The following ACOXL variants were observed in gnomAD, a reference collection of about 807,000 sequenced individuals.
ACOXL encodes the protein acyl-CoA oxidase like.
In ACOXL, 70 loss-of-function variants were observed where a neutral mutation model predicts 71.9. That is an observed-to-expected ratio of 0.97 (90% CI 0.80 to 1.19). The LOEUF is 1.19. Among genes scored for constraint, ACOXL ranks in the 50% most tolerant of loss-of-function variants. The probability of loss-of-function intolerance (pLI) is 0.00; values close to 1 mark genes in which losing one functional copy is unlikely to be tolerated. For synonymous variants in ACOXL, 253 were observed against 281.6 expected (o/e 0.90, Z 1.02); for missense variants, 703 against 736.3 (o/e 0.95, Z 0.52).
intron 12 of ACOXL, among the ~76,000 whole-genome samples, chr2:110,950,129 C>T (rs960521467): frequency 4.6e-5 from 7 of 151,874 alleles, no homozygotes; most frequent in East Asian, 1.9e-4. Flanking sequence ...TACACATGTG[C>T]CATGCTGGGA....
At chr2:111,024,556 C>T (rs926656235) in intron 14 of ACOXL, among the ~76,000 whole-genome samples, 11 of 152,082 alleles carry the variant, frequency 7.2e-5, no homozygotes, top group African/African-American at 2.4e-5. Flanking sequence ...TCCAGAACTG[C>T]GAGAGAATAC....
chr2:111,046,566 A>G (rs1403559556), intron 15 of ACOXL, among the ~76,000 whole-genome samples: 1 of 152,192 alleles, frequency 6.6e-6, no homozygotes, highest in African/African-American at 2.4e-5. Context: ...CAGGAAGGAA[A>G]AGTGCCGAGC....
In ACOXL at chr2:111,043,799, G is replaced by T. The variant is rs967894; in HGVS notation, c.1370-5419G>T. Among the ~76,000 whole-genome samples, 1,180 of 152,344 alleles carry T rather than the reference G, an allele frequency of 7.7e-3. 17 individuals are homozygous for T. The highest frequency in any genetic ancestry group is 0.027 in the African/African-American group (1,111 of 41,584). On this transcript the variant is annotated intron_variant, in intron 15 of 17. Transcript: ENST00000439055. ...CAGAGGAGCTGTCCATGGAGGGGTA[G>T]GTGTCAGCCCCCATATTTCTGCCAC...
intron 10 of ACOXL, among the ~76,000 whole-genome samples, chr2:110,888,691 A>G (rs950149127): frequency 6.6e-6 from 1 of 152,150 alleles, no homozygotes; most frequent in Non-Finnish European, 1.5e-5. Flanking sequence ...AAATCCTTCT[A>G]CTTTCCCATT....
chr2:111,005,964 G>A (rs972348465), intron 14 of ACOXL, among the ~76,000 whole-genome samples: 3 of 152,162 alleles, frequency 2.0e-5, no homozygotes, highest in Admixed American at 1.3e-4. Context: ...TGTTTGTTAC[G>A]TTTTTAAAAA....
chr2:111,029,426 G>A (rs2065162610), intron 14 of ACOXL, among the ~76,000 whole-genome samples: 3 of 152,218 alleles, frequency 2.0e-5, no homozygotes, highest in Admixed American at 6.5e-5. Context: ...CTTGGAGGCC[G>A]AGCCAGAATT....
At chr2:111,066,828 T>C (rs1364891226) in intron 16 of ACOXL, among the ~76,000 whole-genome samples, 1 of 152,178 alleles carries the variant, frequency 6.6e-6, no homozygotes, top group African/African-American at 2.4e-5. Flanking sequence ...TAGTCTCTAA[T>C]GGGGATTTAA....
At chr2:110,850,758 G>A (rs563661550) in intron 10 of ACOXL, among the ~76,000 whole-genome samples, 1 of 152,160 alleles carries the variant, frequency 6.6e-6, no homozygotes, top group Non-Finnish European at 1.5e-5. Flanking sequence ...AAACACTTTG[G>A]AAGTTTCTTA....
At chr2:110,865,931 TAGAC>T (rs1235150057) in intron 10 of ACOXL, among the ~76,000 whole-genome samples, 1 of 152,182 alleles carries the variant, frequency 6.6e-6, no homozygotes, top group African/African-American at 2.4e-5. Context: ...CTCCTCTTGA[TAGAC>T]AGAAAATAGA....
intron 10 of ACOXL, among the ~76,000 whole-genome samples, chr2:110,870,091 G>A (rs1558648664): frequency 6.6e-6 from 1 of 152,228 alleles, no homozygotes; most frequent in Non-Finnish European, 1.5e-5. Flanking sequence ...TTATGGCTGG[G>A]GGAAAATTAG....
At chr2:110,855,104 T>C (rs1559349221) in intron 10 of ACOXL, among the ~76,000 whole-genome samples, 2 of 152,244 alleles carry the variant, frequency 1.3e-5, no homozygotes, top group African/African-American at 4.8e-5. Flanking sequence ...GCAAAACTGC[T>C]CATATGGAGG....
intron 10 of ACOXL, among the ~76,000 whole-genome samples, chr2:110,849,721 G>A (rs1692367688): frequency 6.6e-6 from 1 of 152,000 alleles, no homozygotes; most frequent in African/African-American, 2.4e-5. Flanking sequence ...TTGCACTACT[G>A]CACTCCAGAC....
intron 2 of ACOXL, among the ~76,000 whole-genome samples, chr2:110,779,697 A>G (rs1683095211): frequency 6.6e-6 from 1 of 152,258 alleles, no homozygotes; most frequent in South Asian, 2.1e-4. Context: ...TGCCAAGGCA[A>G]TTCAATGGGA....
At chr2:111,043,531 C>T (rs2065880380) in intron 15 of ACOXL, among the ~76,000 whole-genome samples, 1 of 152,126 alleles carries the variant, frequency 6.6e-6, no homozygotes, top group African/African-American at 2.4e-5. Context: ...GGCTGAGGGA[C>T]AGTGGGCGCA....
intron 14 of ACOXL, among the ~76,000 whole-genome samples, chr2:111,015,429 A>C (rs1384787624): frequency 6.6e-6 from 1 of 152,212 alleles, no homozygotes; most frequent in African/African-American, 2.4e-5. Context: ...ACCACGACAC[A>C]CCCACTGAAA....
In ACOXL at chr2:111,092,884, C is replaced by T. The variant is rs1287619902; in HGVS notation, c.1460C>T (p.Thr487Ile). 1 of 1,613,828 alleles carries T rather than the reference C, an allele frequency of 6.2e-7. No homozygotes were observed. The highest frequency in any genetic ancestry group is 2.2e-5 in the East Asian group (1 of 44,866). The change falls in exon 17 of 18, where the codon ACC (threonine) becomes ATC (isoleucine). Residue 487 changes from threonine (T) to isoleucine (I), a missense_variant. Transcript: ENST00000439055. Reference protein sequence around the residue: ...LLMKFCLLYGTKLVFQERAWY... With the variant: ...LLMKFCLLYGIKLVFQERAWY... Reference sequence around the variant, plus strand: ...CCTTAGTTTTGTCTGTTGTATGGAACCAAGCTGGTGTTTCAGGAGCGGGCC... The same window carrying T: ...CCTTAGTTTTGTCTGTTGTATGGAATCAAGCTGGTGTTTCAGGAGCGGGCC...
At chr2:111,058,396 G>C (rs1216774794) in intron 16 of ACOXL, among the ~76,000 whole-genome samples, 1 of 152,198 alleles carries the variant, frequency 6.6e-6, no homozygotes, top group African/African-American at 2.4e-5. Flanking sequence ...TCAGCACACA[G>C]TGAGGGGGAT....
chr2:111,108,139 A>G lies in ACOXL; in HGVS notation c.1543-9477A>G, dbSNP rs570770568. On this transcript the variant is annotated intron_variant, in intron 17 of 17. Coordinates refer to ENST00000439055, the MANE Select transcript of ACOXL (RefSeq NM_001142807.4). The stretch of plus-strand genomic sequence containing the variant: ...TGTATCGGGTTTTTCATAATGCAAG[A>G]TAAGTTTTCTTTAAGAGATTATATT... Among the ~76,000 whole-genome samples, 22 of 152,166 alleles carry G rather than the reference A, an allele frequency of 1.4e-4. No individual in the cohort carries two copies. The South Asian group carries it at 4.4e-3, about 30-fold the overall frequency.
intron 9 of ACOXL, among the ~76,000 whole-genome samples, chr2:110,815,870 C>T (rs769759591): frequency 1.3e-5 from 2 of 152,176 alleles, no homozygotes; most frequent in Non-Finnish European, 2.9e-5. Context: ...CAAGGCTGGT[C>T]ACTAGGAATG....
Sources: allele counts gnomAD v4.1 joint callset (sites outside exome capture counted in the v4.1 genomes callset), GRCh38; gene constraint gnomAD v4.1.1; transcripts MANE v1.5; gene names NCBI Gene and HGNC (gene_info 2026-07-23, HGNC 2026-07-21).